The following PPFIA2 variants were observed in gnomAD, a reference collection of about 807,000 sequenced individuals.
PPFIA2 encodes PPFI scaffold protein A2.
Under a neutral mutation model 175.5 loss-of-function variants are expected in PPFIA2, and 46 were observed. The observed-to-expected ratio is 0.26, with a 90% CI of 0.21 to 0.34. The LOEUF (loss-of-function observed/expected upper bound fraction) is 0.34. PPFIA2 is among the 10% of genes least tolerant of loss of function. The pLI is 1.00. For missense variants in PPFIA2, 1,179 were observed against 1,506.1 expected (o/e 0.78, Z 3.60); for synonymous variants, 568 against 511.4 (o/e 1.11, Z -1.49).
rs574887601 is a variant in PPFIA2, at chr12:81,258,562, C to T, written c.*1132G>A. The T allele has an allele frequency of 1.3e-5, 2 of 152,036 alleles. No homozygotes were observed. The highest frequency in any genetic ancestry group is 4.8e-5 in the African/African-American group (2 of 41,538). 9.4% of individuals were successfully genotyped at this position (152,036 alleles called of 1,614,324 possible). A position where few individuals can be genotyped will look rare whatever the true frequency, so the allele number is the denominator to read the frequency against. On this transcript the variant is annotated 3_prime_UTR_variant, in exon 33 of 33. Transcript: ENST00000549396. ...AAATAAAGCCACAGGGAAGAGATTA[C>T]TCTTCTATACTTTTATACACTATAT...
intron 7 of PPFIA2, among the ~76,000 whole-genome samples, chr12:81,409,654 T>A (rs2043557321): frequency 6.6e-6 from 1 of 152,142 alleles, no homozygotes; most frequent in African/African-American, 2.4e-5. Flanking sequence ...TCTTTAAAAA[T>A]CATCCAGTCT....
chr12:81,642,658 C>CATACATGTATGTATA lies in PPFIA2; in HGVS notation c.303+34132_303+34133insTATACATACATGTAT, dbSNP rs1567685600. ...CTATTATATACATACATGTATGTAT[C>CATACATGTATGTATA]TATTATATACATACATGTATGTATC... On this transcript the variant is annotated intron_variant, in intron 4 of 32. Coordinates refer to ENST00000549396, the MANE Select transcript of PPFIA2 (RefSeq NM_003625.5). 4.6e-4 allele frequency among the ~76,000 whole-genome samples: 20 copies of CATACATGTATGTATA among 43,560 alleles called. 3 individuals carry two copies. The highest frequency in any genetic ancestry group is 1.2e-3 in the African/African-American group (14 of 11,720). 28.6% of individuals were successfully genotyped at this position (43,560 alleles called of 152,430 possible).
intron 8 of PPFIA2, among the ~76,000 whole-genome samples, chr12:81,399,254 T>C (rs2041712653): frequency 1.6e-5 from 2 of 127,566 alleles, no homozygotes; most frequent in South Asian, 4.9e-4. Context: ...TTCCAGTCAG[T>C]CAGTCTTTTA....
chr12:81,558,598 T>C (rs915644025), intron 4 of PPFIA2, among the ~76,000 whole-genome samples: 2 of 152,108 alleles, frequency 1.3e-5, no homozygotes, highest in Admixed American at 1.3e-4. Context: ...TGTAGAACAA[T>C]GCACATCAAA....
At chr12:81,486,952 C>A (rs1413017783) in intron 4 of PPFIA2, among the ~76,000 whole-genome samples, 1 of 151,852 alleles carries the variant, frequency 6.6e-6, no homozygotes, top group East Asian at 1.9e-4. Flanking sequence ...AAATAATAAA[C>A]CATATAAAGC....
chr12:81,714,186 C>T (rs554685444), intron 3 of PPFIA2, among the ~76,000 whole-genome samples: 2 of 151,076 alleles, frequency 1.3e-5, no homozygotes, highest in African/African-American at 4.8e-5. Context: ...ATAAATATGT[C>T]CTTATATACA....
rs183347051 is a variant in PPFIA2, at chr12:81,663,091, A to G, written c.303+13700T>C. On this transcript the variant is annotated intron_variant, in intron 4 of 32. Coordinates refer to ENST00000549396, the MANE Select transcript of PPFIA2 (RefSeq NM_003625.5). ...GCTATTTATGACAAACCCACAGCCA[A>G]TATCATACTGGAAGGCATTCCCTTT... 2.4e-3 allele frequency among the ~76,000 whole-genome samples: 357 copies of G among 151,238 alleles called. 1 individual carries two copies. The highest frequency in any genetic ancestry group is 8.1e-3 in the African/African-American group (334 of 41,424).
chr12:81,367,453 C>T (rs2033825084), intron 13 of PPFIA2, among the ~76,000 whole-genome samples: 1 of 151,544 alleles, frequency 6.6e-6, no homozygotes, highest in Admixed American at 6.6e-5. Context: ...TTTTCTCAGA[C>T]CACATTTTAA....
chr12:81,484,874 T>A (rs1235941866), intron 4 of PPFIA2, among the ~76,000 whole-genome samples: 1 of 151,888 alleles, frequency 6.6e-6, no homozygotes, highest in Non-Finnish European at 1.5e-5. Context: ...TATCAAAATG[T>A]TTTAAAATGT....
At chr12:81,491,964 T>A (rs558724997) in intron 4 of PPFIA2, among the ~76,000 whole-genome samples, 1 of 152,168 alleles carries the variant, frequency 6.6e-6, no homozygotes, top group African/African-American at 2.4e-5. Flanking sequence ...TCAATGTTTC[T>A]AAATCCTATA....
chr12:81,350,372 C>T (rs899099322), intron 17 of PPFIA2: 47 of 152,170 alleles, frequency 3.1e-4, no homozygotes, highest in African/African-American at 1.0e-3. Context: ...AAGCCAGATA[C>T]ATTTCTTGCT....
chr12:81,306,541 G>GTTT (rs34245260), intron 22 of PPFIA2, among the ~76,000 whole-genome samples: 15 of 107,184 alleles, frequency 1.4e-4, no homozygotes, highest in Non-Finnish European at 1.5e-4. Context: ...TTGTTTCGTT[G>GTTT]TTTTTTTTTT....
chr12:81,456,866 G>C (rs907250513), intron 5 of PPFIA2, among the ~76,000 whole-genome samples: 4 of 151,916 alleles, frequency 2.6e-5, no homozygotes, highest in African/African-American at 9.7e-5. Flanking sequence ...AATTCCATGA[G>C]TTTCATGAAA....
intron 4 of PPFIA2, among the ~76,000 whole-genome samples, chr12:81,522,364 A>G (rs1205057972): frequency 6.6e-6 from 1 of 151,494 alleles, no homozygotes; most frequent in Non-Finnish European, 1.5e-5. Flanking sequence ...GCAACTACAT[A>G]TGTCTTGCAT....
At chr12:81,314,143 C>G (rs1490131539) in intron 22 of PPFIA2, among the ~76,000 whole-genome samples, 1 of 151,768 alleles carries the variant, frequency 6.6e-6, no homozygotes, top group African/African-American at 2.4e-5. Context: ...CACCTCATGA[C>G]TTTCAAACAA....
chr12:81,454,812 A>C (rs2053284578), intron 5 of PPFIA2, among the ~76,000 whole-genome samples: 2 of 152,058 alleles, frequency 1.3e-5, no homozygotes, highest in Admixed American at 1.3e-4. Context: ...TGGAATGCTC[A>C]ATTACACTTT....
chr12:81,550,719 TA>T (rs546128260), intron 4 of PPFIA2, among the ~76,000 whole-genome samples: 8 of 151,792 alleles, frequency 5.3e-5, no homozygotes, highest in Non-Finnish European at 1.2e-4. Flanking sequence ...CTAATCAAAA[TA>T]AACTCAAGGT....
rs150633843 is a variant in PPFIA2, at chr12:81,388,758, A to G, written c.763-4514T>C. Among the ~76,000 whole-genome samples the G allele has an allele frequency of 4.0e-3, 616 of 152,190 alleles. 10 individuals carry two copies. Among genetic ancestry groups the G allele is most frequent in the African/African-American group, 0.014 (579 of 41,546 alleles). The stretch of plus-strand genomic sequence containing the variant: ...ATTTAAGATTCTAGAGCTCTGAAGA[A>G]TTTTGGAGAAACTGAGACTCAGGTA... On this transcript the variant is annotated intron_variant, in intron 8 of 32. Coordinates refer to ENST00000549396, the MANE Select transcript of PPFIA2 (RefSeq NM_003625.5).
At chr12:81,660,817 A>G (rs2068703984) in intron 4 of PPFIA2, among the ~76,000 whole-genome samples, 1 of 152,236 alleles carries the variant, frequency 6.6e-6, no homozygotes, top group Non-Finnish European at 1.5e-5. Flanking sequence ...GTTACCCACA[A>G]AGGGAATCCC....
Sources: allele counts gnomAD v4.1 joint callset (sites outside exome capture counted in the v4.1 genomes callset), GRCh38; gene constraint gnomAD v4.1.1; transcripts MANE v1.5; gene names NCBI Gene and HGNC (gene_info 2026-07-23, HGNC 2026-07-21).